The following NAALAD2 variants were observed in gnomAD, a reference collection of about 807,000 sequenced individuals.
The protein encoded by NAALAD2 is N-acetylated-alpha-linked acidic dipeptidase 2.
In NAALAD2, 89 loss-of-function variants were observed where a neutral mutation model predicts 95.6. The observed-to-expected ratio is 0.93, with a 90% CI of 0.78 to 1.11. The LOEUF is 1.11. Among genes scored for constraint, NAALAD2 ranks in the 50% least tolerant of loss-of-function variants. The probability of loss-of-function intolerance (pLI) is 0.00; values close to 1 mark genes in which losing one functional copy is unlikely to be tolerated. For missense variants in NAALAD2, 894 were observed against 872.4 expected (o/e 1.02, Z -0.31); for synonymous variants, 264 against 294.4 (o/e 0.90, Z 1.06).
chr11:90,173,751 AT>A (rs1402269537), intron 13 of NAALAD2, 72 bp from the exon 14 acceptor site: 1 of 1,002,272 alleles, frequency 1.0e-6, no homozygotes, highest in African/African-American at 1.6e-5. Context: ...ATGACAAATA[AT>A]ATATAGTTTT....
intron 3 of NAALAD2, among the ~76,000 whole-genome samples, 193 bp from the exon 4 acceptor site, chr11:90,148,813 T>G (rs1034228971): frequency 6.6e-6 from 1 of 152,156 alleles, no homozygotes; most frequent in Admixed American, 6.6e-5. Flanking sequence ...TTGCATGCAT[T>G]TATAAAAGTT....
At chr11:90,173,385 C>A (rs1952697640) in intron 13 of NAALAD2, among the ~76,000 whole-genome samples, 1 of 152,150 alleles carries the variant, frequency 6.6e-6, no homozygotes, top group Admixed American at 6.5e-5. Flanking sequence ...AATTATGTCA[C>A]CTCTATTGTT....
At chr11:90,152,096 G>A (rs745388528) in intron 5 of NAALAD2, among the ~76,000 whole-genome samples, 4 of 152,146 alleles carry the variant, frequency 2.6e-5, no homozygotes, top group African/African-American at 7.2e-5. Context: ...ATGATAACTC[G>A]TTTAGATTTC....
intron 16 of NAALAD2, among the ~76,000 whole-genome samples, chr11:90,178,555 C>G (rs1952869553): frequency 1.3e-5 from 2 of 151,796 alleles, no homozygotes; most frequent in African/African-American, 4.8e-5. Context: ...CCTGTAGTCT[C>G]AGCTACTCGG....
Position 90,191,841 on chromosome 11 carries a change from C to A in NAALAD2, c.*94C>A. 1 of 977,628 alleles carries A rather than the reference C, an allele frequency of 1.0e-6. No individual in the cohort carries two copies. The highest frequency in any genetic ancestry group is 1.4e-6 in the Non-Finnish European group (1 of 711,398). 60.6% of individuals were successfully genotyped at this position (977,628 alleles called of 1,614,324 possible). A position where few individuals can be genotyped will look rare whatever the true frequency, so the allele number is the denominator to read the frequency against. On this transcript the variant is annotated 3_prime_UTR_variant, in exon 19 of 19. Transcript: ENST00000534061. The stretch of plus-strand genomic sequence containing the variant: ...ACTTATGAAGCCAGGGTGTTCTAAA[C>A]TCTTTTCATGTCATGTTTTGATTAT...
intron 6 of NAALAD2, among the ~76,000 whole-genome samples, chr11:90,153,806 T>C (rs1406802256): frequency 1.3e-5 from 2 of 152,064 alleles, no homozygotes; most frequent in African/African-American, 4.8e-5. Context: ...TTTCATAGTT[T>C]TATGCTATTG....
At chr11:90,147,838 C>T (rs1951784564) in intron 3 of NAALAD2, among the ~76,000 whole-genome samples, 1 of 152,160 alleles carries the variant, frequency 6.6e-6, no homozygotes, top group Non-Finnish European at 1.5e-5. Context: ...TTCCTGAAGT[C>T]TTGACACGTG....
At chr11:90,157,877 C>G (rs1005300224) in intron 6 of NAALAD2, among the ~76,000 whole-genome samples, 1 of 152,008 alleles carries the variant, frequency 6.6e-6, no homozygotes, top group Non-Finnish European at 1.5e-5. Context: ...TGCGCCACCA[C>G]GTCCAGCTAA....
chr11:90,183,051 C>G, intron 18 of NAALAD2, 43 bp downstream of exon 18: 1 of 1,429,876 alleles, frequency 7.0e-7, no homozygotes, highest in Non-Finnish European at 9.9e-7. Context: ...GTGACCAAAA[C>G]CAGCATACCT....
chr11:90,159,345 T>C lies in NAALAD2; in HGVS notation c.989+8T>C. Reference sequence around the variant, plus strand: ...AGGGAGTGATTCTTTCAGGTAATTTTGCATTACTTTAATAGTCTGAAAAAG... The same window carrying C: ...AGGGAGTGATTCTTTCAGGTAATTTCGCATTACTTTAATAGTCTGAAAAAG... On this transcript the variant is annotated splice_region_variant and intron_variant, in intron 8 of 18. Transcript: ENST00000534061. 6.3e-7 allele frequency: 1 copy of C among 1,597,736 alleles called. No homozygotes were observed. The highest frequency in any genetic ancestry group is 8.6e-7 in the Non-Finnish European group (1 of 1,165,610).
intron 8 of NAALAD2, 92 bp downstream of exon 8, chr11:90,159,429 A>T (rs924993017): frequency 2.2e-6 from 2 of 900,940 alleles, no homozygotes; most frequent in African/African-American, 3.4e-5. Flanking sequence ...TATTTTGCTT[A>T]TCTCTTTTTC....
intron 8 of NAALAD2, among the ~76,000 whole-genome samples, chr11:90,160,036 C>T: frequency 7.8e-6 from 1 of 128,676 alleles, no homozygotes; most frequent in East Asian, 2.8e-4. Context: ...ATGTATAGAT[C>T]ACTTACTGTG....
Position 90,147,492 on chromosome 11 carries a change from G to A in NAALAD2, c.357G>A (p.Ser119=), listed in dbSNP as rs114629391. 438 of 1,607,792 alleles carry A rather than the reference G, an allele frequency of 2.7e-4. 5 individuals are homozygous for A. In the African/African-American group the frequency reaches 5.0e-3, roughly 18 times the overall value. ...YPNETNANYI[S]IVDEHETEIF... ...ATGAGACAAATGCCAACTATATATCGATTGTGGATGAACATGAAACTGAGG... is the reference window on the plus strand; with the variant it reads ...ATGAGACAAATGCCAACTATATATCAATTGTGGATGAACATGAAACTGAGG... The change falls in exon 3 of 19, where the codon TCG becomes TCA. Residue 119 remains serine (S), a synonymous_variant. Transcript: ENST00000534061.
chr11:90,176,185 A>G (rs1952790415), intron 15 of NAALAD2, 123 bp downstream of exon 15: 2 of 648,592 alleles, frequency 3.1e-6, no homozygotes, highest in Admixed American at 2.7e-5. Context: ...TCCCAGGGAT[A>G]GAGATAGACT....
rs781196507 is a variant in NAALAD2 at position 90,170,130 on chromosome 11, A to G, written c.1404A>G (p.Thr468=). ...TTTACCAATTAGTGTATAAACTGACAAAAGAGGTATATAAGGAAATGTGTC... is the reference window on the plus strand; with the variant it reads ...TTTACCAATTAGTGTATAAACTGACGAAAGAGGTATATAAGGAAATGTGTC... The part of the protein sequence containing the change: ...PLLYQLVYKL[T]KEIPSPDDGF... Residue 468 remains threonine (T), a synonymous_variant, in exon 13 of 19, where the codon ACA becomes ACG. Coordinates refer to ENST00000534061, the MANE Select transcript of NAALAD2 (RefSeq NM_005467.4). 4 of 1,572,622 alleles carry G rather than the reference A, an allele frequency of 2.5e-6. No individual in the cohort carries two copies. The South Asian group carries it at 4.4e-5, about 17-fold the overall frequency.
At chr11:90,160,721 A>G (rs1952269515) in intron 8 of NAALAD2, among the ~76,000 whole-genome samples, 1 of 152,178 alleles carries the variant, frequency 6.6e-6, no homozygotes, top group Non-Finnish European at 1.5e-5. Context: ...GACAGAGAAA[A>G]CATATAACTT....
intron 7 of NAALAD2, chr11:90,159,011 C>T (rs1952204056): frequency 8.8e-6 from 4 of 455,084 alleles, no homozygotes; most frequent in Admixed American, 7.9e-5. Context: ...TTTATTTTTT[C>T]TCTTTGCTCT....
chr11:90,170,164 TTC>T, intron 13 of NAALAD2, 28 bp downstream of exon 13: 1 of 1,354,300 alleles, frequency 7.4e-7, no homozygotes, highest in Non-Finnish European at 1.1e-6. Flanking sequence ...TCTTCATATG[TTC>T]TCTTTTGAAT....
Position 90,175,931 on chromosome 11 carries a change from T to TGC in NAALAD2, c.1503-40_1503-39insCG, listed in dbSNP as rs374005999. ...ACTTTGTATCATTTACTTGTTTATG[T>TGC]GTGTGTGTGTGTGTGTGTGTGGATT... On this transcript the variant is annotated intron_variant, in intron 14 of 18. Transcript: ENST00000534061. The TGC allele has an allele frequency of 3.1e-3, 3,525 of 1,135,344 alleles. 52 individuals carry two copies. In the African/African-American group the frequency reaches 0.046, roughly 15 times the overall value. 70.3% of individuals were successfully genotyped at this position (1,135,344 alleles called of 1,614,324 possible).
Sources: gnomAD v4.1 joint callset for allele counts (sites outside exome capture counted in the v4.1 genomes callset) on GRCh38, gnomAD v4.1.1 for gene constraint, MANE v1.5 for transcripts, NCBI Gene and HGNC (gene_info 2026-07-23, HGNC 2026-07-21) for gene names.